The following ZNF765 variants were observed in gnomAD, a reference collection of about 807,000 sequenced individuals.
ZNF765 encodes zinc finger protein 765.
A neutral mutation model predicts 44.7 loss-of-function variants in ZNF765; 37 were observed. The ratio of observed to expected loss-of-function variants is 0.83; its 90% confidence interval spans 0.64 to 1.09. The LOEUF is 1.09. ZNF765 is among the 50% of genes least tolerant of loss of function. The pLI is 0.00. For missense variants in ZNF765, 594 were observed against 626.1 expected (o/e 0.95, Z 0.55); for synonymous variants, 201 against 213.7 (o/e 0.94, Z 0.52).
chr19:53,407,456 C>T (rs1245072905), intron 3 of ZNF765, among the ~76,000 whole-genome samples: 3 of 152,132 alleles, frequency 2.0e-5, no homozygotes, highest in African/African-American at 4.8e-5. Context: ...TTAGGCTACA[C>T]GTTTTTGTGC....
In ZNF765 at chr19:53,409,649, G is replaced by C; in HGVS notation, c.*522G>C. 7.6e-7 allele frequency: 1 copy of C among 1,317,050 alleles called. No homozygotes were observed. The highest frequency in any genetic ancestry group is 1.1e-6 in the Non-Finnish European group (1 of 914,064). The allele number at this position is 1,317,050 out of a possible 1,614,324, so 81.6% of individuals were successfully genotyped here. A position where few individuals can be genotyped will look rare whatever the true frequency, so the allele number is the denominator to read the frequency against. ...ATGAGTGTGGCAAGACCTTTAGTCA[G>C]AACTCATACCTTACACGCCATCGTA... On this transcript the variant is annotated 3_prime_UTR_variant, in exon 4 of 4. Coordinates refer to ENST00000396408, the MANE Select transcript of ZNF765 (RefSeq NM_001040185.3).
At chr19:53,414,477 ACACACACACACACCCCC>A (rs2085860428), downstream of ZNF765, among the ~76,000 whole-genome samples, 1 of 10,530 alleles carries the variant, frequency 9.5e-5, no homozygotes, top group Non-Finnish European at 2.1e-4. Context: ...ACACACACAC[ACACACACACACACCCCC>A]CCCCCCCCCC....
At chr19:53,414,487 A>ACCAC (rs1568786107), downstream of ZNF765, among the ~76,000 whole-genome samples, 16 of 1,902 alleles carry the variant, frequency 8.4e-3, 1 homozygote, top group East Asian at 0.015. Context: ...ACACACACAC[A>ACCAC]CACCCCCCCC....
chr19:53,397,220 A>G (rs1240346049), intron 1 of ZNF765, among the ~76,000 whole-genome samples: 2 of 151,810 alleles, frequency 1.3e-5, no homozygotes, highest in Admixed American at 1.3e-4. Flanking sequence ...CTTTCTACAT[A>G]CTCCTCCTTC....
In ZNF765 at chr19:53,410,397, A is replaced by G; in HGVS notation, c.*1270A>G. On this transcript the variant is annotated 3_prime_UTR_variant, in exon 4 of 4. Transcript: ENST00000396408. The stretch of plus-strand genomic sequence containing the variant: ...ACTCAAACCTTGAAAGACACAGGAG[A>G]ATTCCTACTGGAGAGATAGCATAAA... 3.0e-6 allele frequency: 1 copy of G among 336,744 alleles called. No homozygotes were observed. Among genetic ancestry groups the G allele is most frequent in the Non-Finnish European group, 6.0e-6 (1 of 166,230 alleles). 20.9% of individuals were successfully genotyped at this position (336,744 alleles called of 1,614,324 possible). A position where few individuals can be genotyped will look rare whatever the true frequency, so the allele number is the denominator to read the frequency against.
rs2085822403 is a variant in ZNF765, at chr19:53,410,350, ATG to A, written c.*1225_*1226del. 2.9e-6 allele frequency: 1 copy of A among 339,962 alleles called. No homozygotes were observed. Among genetic ancestry groups the A allele is most frequent in the South Asian group, 2.7e-5 (1 of 37,538 alleles). 21.1% of individuals were successfully genotyped at this position (339,962 alleles called of 1,614,324 possible). On this transcript the variant is annotated 3_prime_UTR_variant, in exon 4 of 4. Transcript: ENST00000396408. ...GAGAGAAAGCTTACATATGTGAAGA[ATG>A]TCACCAAGTTTTCAGTCACACTCAA...
Position 53,410,924 on chromosome 19 carries a change from T to G in ZNF765, c.*1797T>G. On this transcript the variant is annotated 3_prime_UTR_variant, in exon 4 of 4. Transcript: ENST00000396408. The stretch of plus-strand genomic sequence containing the variant: ...GAATGCATACTGGACAGAAATCTTA[T>G]AAATGTCATCAGTGTGCCAAAGTCT... 2.3e-6 allele frequency: 1 copy of G among 431,254 alleles called. No homozygotes were observed. Among genetic ancestry groups the G allele is most frequent in the South Asian group, 1.8e-5 (1 of 56,596 alleles). 26.7% of individuals were successfully genotyped at this position (431,254 alleles called of 1,614,324 possible).
In ZNF765 at chr19:53,411,637, A is replaced by G. The variant is rs2085834910; in HGVS notation, c.*2510A>G. On this transcript the variant is annotated 3_prime_UTR_variant, in exon 4 of 4. Coordinates refer to ENST00000396408, the MANE Select transcript of ZNF765 (RefSeq NM_001040185.3). ...GGGTACCGTGTTGAATCTAAATCACATTGGGTTATATAATCATTTAACAAT... is the reference window on the plus strand; with the variant it reads ...GGGTACCGTGTTGAATCTAAATCACGTTGGGTTATATAATCATTTAACAAT... 6.6e-6 allele frequency: 1 copy of G among 152,258 alleles called. No homozygotes were observed. The highest frequency in any genetic ancestry group is 6.5e-5 in the Admixed American group (1 of 15,284). The allele number at this position is 152,258 out of a possible 1,614,324, so 9.4% of individuals were successfully genotyped here. A position where few individuals can be genotyped will look rare whatever the true frequency, so the allele number is the denominator to read the frequency against.
In ZNF765 at chr19:53,410,017, A is replaced by G; in HGVS notation, c.*890A>G. On this transcript the variant is annotated 3_prime_UTR_variant, in exon 4 of 4. Coordinates refer to ENST00000396408, the MANE Select transcript of ZNF765 (RefSeq NM_001040185.3). Reference sequence around the variant, plus strand: ...GATCCTACAAGTGTGATAAATGCAGAATAAATGCAGAAAATTTTTCAGACA... The same window carrying G: ...GATCCTACAAGTGTGATAAATGCAGGATAAATGCAGAAAATTTTTCAGACA... 2.0e-6 allele frequency: 1 copy of G among 507,584 alleles called. No individual in the cohort carries two copies. The highest frequency in any genetic ancestry group is 1.5e-5 in the South Asian group (1 of 64,702). The allele number at this position is 507,584 out of a possible 1,614,324, so 31.4% of individuals were successfully genotyped here.
rs970064342 is a variant in ZNF765 at position 53,409,695 on chromosome 19, C to A, written c.*568C>A. ...TCGTAGACTTCATACTGGAGGATAC[C>A]TTACAAATGTAATGAGTGTGGCAAG... On this transcript the variant is annotated 3_prime_UTR_variant, in exon 4 of 4. Coordinates refer to ENST00000396408, the MANE Select transcript of ZNF765 (RefSeq NM_001040185.3). The A allele has an allele frequency of 9.4e-7, 1 of 1,062,946 alleles. No individual in the cohort carries two copies. Among genetic ancestry groups the A allele is most frequent in the African/African-American group, 1.6e-5 (1 of 63,822 alleles). 65.8% of individuals were successfully genotyped at this position (1,062,946 alleles called of 1,614,324 possible).
chr19:53,422,455 C>T (rs535198019), intron 3 of ZNF765, among the ~76,000 whole-genome samples: 9 of 152,320 alleles, frequency 5.9e-5, no homozygotes, highest in African/African-American at 1.9e-4. Flanking sequence ...AAGAGCAATT[C>T]ATTGCAAATA....
At chr19:53,418,607 C>G (rs1420101623) in intron 3 of ZNF765, among the ~76,000 whole-genome samples, 3 of 151,904 alleles carry the variant, frequency 2.0e-5, no homozygotes, top group Non-Finnish European at 4.4e-5. Flanking sequence ...TATAAGAAGT[C>G]CAGATATGGC....
Position 53,398,046 on chromosome 19 carries a change from T to C in ZNF765, c.15+16T>C. 6.2e-7 allele frequency: 1 copy of C among 1,612,804 alleles called. No individual in the cohort carries two copies. The highest frequency in any genetic ancestry group is 2.2e-5 in the East Asian group (1 of 44,686). ...TCTTCCTCAGGTGAGATGATATTCTTGGTGGATTGTTCTGTCTCCTTCTTT... is the reference window on the plus strand; with the variant it reads ...TCTTCCTCAGGTGAGATGATATTCTCGGTGGATTGTTCTGTCTCCTTCTTT... On this transcript the variant is annotated intron_variant, in intron 2 of 3. Transcript: ENST00000396408.
chr19:53,425,853 G>A (rs3761115), exon 4 of ZNF765: 14,734 of 152,248 alleles, frequency 0.097, 766 homozygotes, highest in East Asian at 0.11. Context: ...TAATCCCAGC[G>A]CTTTGGAAAG....
exon 4 of ZNF765, chr19:53,423,252 A>G (rs574926783): frequency 1.5e-6 from 1 of 684,324 alleles, no homozygotes; most frequent in East Asian, 2.9e-5. Flanking sequence ...CGGCAAGTGG[A>G]GCAACAAAAA....
chr19:53,426,520 C>T (rs1422159942), exon 4 of ZNF765: 5 of 152,314 alleles, frequency 3.3e-5, no homozygotes, highest in African/African-American at 9.7e-5. Flanking sequence ...CCAGGGATCC[C>T]CACCCCTGGG....
intron 1 of ZNF765, among the ~76,000 whole-genome samples, chr19:53,395,735 C>T (rs1431588487): frequency 6.6e-6 from 1 of 152,190 alleles, no homozygotes; most frequent in African/African-American, 2.4e-5. Flanking sequence ...GGGAGGTGCC[C>T]GGGGCCTGTC....
chr19:53,410,128 T>G lies in ZNF765; in HGVS notation c.*1001T>G, dbSNP rs1445142315. 6.8e-6 allele frequency: 3 copies of G among 442,720 alleles called. No individual in the cohort carries two copies. Among genetic ancestry groups the G allele is most frequent in the Non-Finnish European group, 1.4e-5 (3 of 216,748 alleles). The allele number at this position is 442,720 out of a possible 1,614,324, so 27.4% of individuals were successfully genotyped here. On this transcript the variant is annotated 3_prime_UTR_variant, in exon 4 of 4. Transcript: ENST00000396408. The stretch of plus-strand genomic sequence containing the variant: ...ATGTGATGAAGCTTTCAGATTCAAA[T>G]CAAACCTTGATAGTCATAGAATTCA...
chr19:53,396,008 AAAAGG>A (rs933399507), intron 1 of ZNF765, among the ~76,000 whole-genome samples: 9 of 151,966 alleles, frequency 5.9e-5, no homozygotes, highest in African/African-American at 1.4e-4. Flanking sequence ...GAAAAAAAAA[AAAAGG>A]AGGAGAAAAG....
Sources: gnomAD v4.1 joint callset for allele counts (sites outside exome capture counted in the v4.1 genomes callset) on GRCh38, gnomAD v4.1.1 for gene constraint, MANE v1.5 for transcripts, NCBI Gene and HGNC (gene_info 2026-07-23, HGNC 2026-07-21) for gene names.